The following ZCCHC14 variants were observed in gnomAD, a reference collection of about 807,000 sequenced individuals.
ZCCHC14 encodes the protein zinc finger CCHC domain-containing protein 14.
A neutral mutation model predicts 85.0 loss-of-function variants in ZCCHC14; 16 were observed. The ratio of observed to expected loss-of-function variants is 0.19; its 90% CI spans 0.13 to 0.29. The LOEUF is 0.29. Ranked by LOEUF, ZCCHC14 falls within the 10% of genes least tolerant of loss-of-function variation. The pLI is 1.00. For missense variants in ZCCHC14, 1,303 were observed against 1,443.5 expected, an observed-to-expected ratio of 0.90 and a Z score of 1.58; for synonymous variants, 775 against 630.7, an observed-to-expected ratio of 1.23 and a Z score of -3.43.
rs540312744 is a variant in ZCCHC14 at position 87,429,661 on chromosome 16, C to T, written c.768+3467G>A. Among the ~76,000 whole-genome samples, 4 of 152,170 alleles carry T rather than the reference C, an allele frequency of 2.6e-5. No individual in the cohort carries two copies. The East Asian group carries it at 7.7e-4, about 29-fold the overall frequency. ...TGCTTTTGTTGCCCAAGCTGGAGTG[C>T]AGTGGCATGATCTTGGCTCACTGCA... On this transcript the variant is annotated intron_variant, in intron 3 of 12. Coordinates refer to ENST00000671377, the MANE Select transcript of ZCCHC14 (RefSeq NM_015144.3).
At chr16:87,454,451 G>C (rs1483345182) in intron 2 of ZCCHC14, among the ~76,000 whole-genome samples, 5 of 152,280 alleles carry the variant, frequency 3.3e-5, no homozygotes, top group African/African-American at 1.2e-4. Context: ...CTTTTCTTTA[G>C]AAAAACAAGA....
chr16:87,441,390 G>C (rs537145562), intron 2 of ZCCHC14, among the ~76,000 whole-genome samples: 1 of 152,174 alleles, frequency 6.6e-6, no homozygotes, highest in Middle Eastern at 3.2e-3. Flanking sequence ...CTTGGGGTCA[G>C]AAGAAGTATT....
chr16:87,424,645 A>C (rs1326413800), intron 3 of ZCCHC14, among the ~76,000 whole-genome samples: 1 of 152,114 alleles, frequency 6.6e-6, no homozygotes, highest in Non-Finnish European at 1.5e-5. Context: ...TGGCTATCAC[A>C]ATGCTCGTCA....
At chr16:87,413,441 T>C (rs1397897919) in intron 10 of ZCCHC14, among the ~76,000 whole-genome samples, 4 of 152,018 alleles carry the variant, frequency 2.6e-5, no homozygotes, top group Non-Finnish European at 4.4e-5. Context: ...CCCAGAACAA[T>C]GCCCTGTGAA....
Position 87,417,444 on chromosome 16 carries a change from C to G in ZCCHC14, c.1383+16G>C. On this transcript the variant is annotated intron_variant, in intron 8 of 12. Coordinates refer to ENST00000671377, the MANE Select transcript of ZCCHC14 (RefSeq NM_015144.3). ...AATCTAGCAATTCTGTACGGCCAGC[C>G]AGAAAACCGACATACCTTCTCCATG... The G allele has an allele frequency of 1.9e-6, 3 of 1,610,540 alleles. No homozygotes were observed. The South Asian group carries it at 3.3e-5, about 18-fold the overall frequency.
intron 1 of ZCCHC14, among the ~76,000 whole-genome samples, chr16:87,480,748 G>GTT (rs1912230834): frequency 6.6e-6 from 1 of 152,106 alleles, no homozygotes; most frequent in African/African-American, 2.4e-5. Context: ...CAAAGTCTTG[G>GTT]GCAGAAACAG....
rs758287369 is a variant in ZCCHC14, at chr16:87,419,803, G to C, written c.1025C>G (p.Pro342Arg). ...VRRFLSTSSP[P>R]QQLQSPSPGN... ...CTCACTTGGACTCTGAAGCTGCTGT[G>C]GGGGAGAGGAAGTGCTGAGAAACCT... The change falls in exon 6 of 13, where the codon CCA becomes CGA. Residue 342 changes from proline (P) to arginine (R), a missense_variant. Pro to Arg is a moderately radical substitution (Grantham distance 103, BLOSUM62 -2). Around this residue, in one of 7 missense-constraint regions of ZCCHC14, gnomAD observed 389 missense variants for 397.8 expected, o/e 0.98. Transcript: ENST00000671377. 8.1e-6 allele frequency: 13 copies of C among 1,610,526 alleles called. No homozygotes were observed. The highest frequency in any genetic ancestry group is 1.3e-5 in the African/African-American group (1 of 74,606).
chr16:87,423,714 G>T, intron 4 of ZCCHC14, 96 bp downstream of exon 4: 2 of 1,402,634 alleles, frequency 1.4e-6, no homozygotes, highest in Non-Finnish European at 1.0e-6. Flanking sequence ...TCACTCGCTA[G>T]CTGAAGGGAG....
intron 7 of ZCCHC14, 129 bp downstream of exon 7, chr16:87,418,718 T>C: frequency 1.0e-6 from 1 of 964,818 alleles, no homozygotes; most frequent in Non-Finnish European, 1.6e-6. Context: ...CTCTACTCAA[T>C]TCTTCTCAAT....
chr16:87,431,898 C>T (rs971860346), intron 3 of ZCCHC14, among the ~76,000 whole-genome samples: 2 of 152,174 alleles, frequency 1.3e-5, no homozygotes, highest in Admixed American at 6.5e-5. Flanking sequence ...ACTCCGTGGG[C>T]GCCGAGACTC....
At chr16:87,461,204 A>AC (rs1828773941) in intron 1 of ZCCHC14, among the ~76,000 whole-genome samples, 1 of 152,070 alleles carries the variant, frequency 6.6e-6, no homozygotes, top group Non-Finnish European at 1.5e-5. Flanking sequence ...GGCTCGTCCC[A>AC]CCCCTCCTGC....
intron 2 of ZCCHC14, among the ~76,000 whole-genome samples, chr16:87,457,176 A>G (rs1597435742): frequency 6.6e-6 from 1 of 152,230 alleles, no homozygotes; most frequent in South Asian, 2.1e-4. Context: ...ACTAGGCTAC[A>G]ATCTCTACTC....
rs757632479 is a variant in ZCCHC14, at chr16:87,412,276, T to C, written c.2445A>G (p.Thr815=). The change falls in exon 12 of 13, where the codon ACA becomes ACG. Residue 815 remains threonine (T), a synonymous_variant. Coordinates refer to ENST00000671377, the MANE Select transcript of ZCCHC14 (RefSeq NM_015144.3). ...CAGAAAAGGCAACTTTGGTGTTGGC[T>C]GTGTACAGAGCAGTCCGGGGGTTTA... ...AIINPRTALY[T]ANTKVAFSAM... 1 of 1,613,940 alleles carries C rather than the reference T, an allele frequency of 6.2e-7. No homozygotes were observed. The highest frequency in any genetic ancestry group is 8.5e-7 in the Non-Finnish European group (1 of 1,180,024).
In ZCCHC14 at chr16:87,483,304, CAAAAAAAAAAAAAAAAAAAAA is replaced by C. The variant is rs56708958; in HGVS notation, c.570+8344_570+8364del. Among the ~76,000 whole-genome samples the C allele has an allele frequency of 3.4e-3, 149 of 43,666 alleles. 1 individual carries two copies. The highest frequency in any genetic ancestry group is 6.2e-3 in the Admixed American group (20 of 3,250). 28.6% of individuals were successfully genotyped at this position (43,666 alleles called of 152,430 possible). A position where few individuals can be genotyped will look rare whatever the true frequency, so the allele number is the denominator to read the frequency against. ...GAAACCCCATCTCTACTAAAAATACCAAAAAAAAAAAAAAAAAAAAAAAAAAAAAAAAAAAAATTAGCCAGG... is the reference window on the plus strand; with the variant it reads ...GAAACCCCATCTCTACTAAAAATACCAAAAAAAAAAAAAAAATTAGCCAGG... On this transcript the variant is annotated intron_variant, in intron 1 of 12. Transcript: ENST00000671377.
At position 87,411,464 on chromosome 16, in the gene ZCCHC14, T is replaced by C. The variant is rs573245237; in HGVS notation, c.3205+52A>G. 14 of 1,588,378 alleles carry C rather than the reference T, an allele frequency of 8.8e-6. No individual in the cohort carries two copies. In the South Asian group the frequency reaches 1.0e-4, roughly 12 times the overall value. On this transcript the variant is annotated intron_variant, in intron 12 of 12. Coordinates refer to ENST00000671377, the MANE Select transcript of ZCCHC14 (RefSeq NM_015144.3). ...ACTCTTCATAAAAACCAAGCATTTG[T>C]GTGCACTGGTCCTGCGGGAGCCTGG...
chr16:87,457,904 T>C (rs1475222557), intron 2 of ZCCHC14, among the ~76,000 whole-genome samples: 1 of 152,086 alleles, frequency 6.6e-6, no homozygotes, highest in African/African-American at 2.4e-5. Context: ...CTGCAGGTAA[T>C]TAAGAGCGTC....
chr16:87,487,276 C>G (rs748069762), intron 1 of ZCCHC14, among the ~76,000 whole-genome samples: 19 of 152,164 alleles, frequency 1.2e-4, no homozygotes, highest in African/African-American at 3.4e-4. Context: ...GCACCAAAAA[C>G]TTTAAAAACG....
intron 3 of ZCCHC14, among the ~76,000 whole-genome samples, chr16:87,430,516 ATTTC>A (rs909167599): frequency 8.7e-5 from 13 of 149,670 alleles, no homozygotes; most frequent in Non-Finnish European, 1.5e-4. Flanking sequence ...CTTTAACTTG[ATTTC>A]TTTCTTTTTT....
Position 87,412,848 on chromosome 16 carries a change from A to C in ZCCHC14, c.1873T>G (p.Ser625Ala). The change falls in exon 12 of 13, where the codon TCA becomes GCA. Residue 625 changes from serine to alanine, a missense_variant. Ser to Ala is a moderately conservative substitution (Grantham distance 99). This residue lies in a region of ZCCHC14 where 797 missense variants were observed against 730.8 expected (regional missense o/e 1.09). Coordinates refer to ENST00000671377, the MANE Select transcript of ZCCHC14 (RefSeq NM_015144.3). ...PVQNEASSNP[S>A]GHHPLPPQML... The stretch of plus-strand genomic sequence containing the variant: ...TGCGGGGGCAGGGGGTGGTGGCCTG[A>C]TGGATTGGAGCTGGCCTCATTCTGC... The C allele has an allele frequency of 6.2e-7, 1 of 1,609,008 alleles. No individual in the cohort carries two copies. The highest frequency in any genetic ancestry group is 1.1e-5 in the South Asian group (1 of 90,326).
Sources: allele counts gnomAD v4.1 joint callset (sites outside exome capture counted in the v4.1 genomes callset), GRCh38; gene constraint gnomAD v4.1.1; regional missense constraint gnomAD v4.1.1; transcripts MANE v1.5; gene names NCBI Gene and HGNC (gene_info 2026-07-23, HGNC 2026-07-21).